ACCSL: variants seen among roughly 807,000 people sequenced by gnomAD.
The protein encoded by ACCSL is probable inactive 1-aminocyclopropane-1-carboxylate synthase-like protein 2.
ACCSL carries 55 observed loss-of-function variants against 61.7 expected under a neutral mutation model. The observed-to-expected ratio is 0.89, with a 90% CI of 0.72 to 1.12. The LOEUF is 1.12. ACCSL is among the 50% of genes most tolerant of loss of function. ACCSL has a pLI of 0.00. For synonymous variants in ACCSL, 258 were observed against 264.3 expected, an observed-to-expected ratio of 0.98 and a Z score of 0.23; for missense variants, 632 against 698.0, an observed-to-expected ratio of 0.91 and a Z score of 1.07.
chr11:44,033,392 A>G, the ACCSL span, among the ~76,000 whole-genome samples: 3 of 152,130 alleles, frequency 2.0e-5, no homozygotes, highest in East Asian at 3.9e-4. Flanking sequence ...AAGAGAAAGG[A>G]ACTTCTTAGG....
At chr11:43,979,465 G>A in the ACCSL span, among the ~76,000 whole-genome samples, 7 of 152,326 alleles carry the variant, frequency 4.6e-5, no homozygotes, top group East Asian at 1.2e-3. Context: ...TTTACTACAA[G>A]GAAAAGAAGC....
the ACCSL span, among the ~76,000 whole-genome samples, chr11:44,030,898 G>A: frequency 6.6e-6 from 1 of 152,148 alleles, no homozygotes; most frequent in East Asian, 1.9e-4. Context: ...ATGCTCTTAG[G>A]AGGAAGAGAC....
the ACCSL span, chr11:43,943,497 T>A: frequency 2.9e-6 from 4 of 1,373,010 alleles, no homozygotes; most frequent in African/African-American, 1.5e-5. The surrounding 1 kb of genome is among the most constrained non-coding windows in gnomAD (Gnocchi z 4.8). Context: ...TTCCTCGTCC[T>A]TGTAAATGTT....
chr11:44,028,597 CA>C, the ACCSL span, among the ~76,000 whole-genome samples: 4 of 152,204 alleles, frequency 2.6e-5, no homozygotes, highest in African/African-American at 9.6e-5. Flanking sequence ...ATCCCTGCGT[CA>C]CCTTCATTGA....
chr11:44,035,567 CCT>C, the ACCSL span, among the ~76,000 whole-genome samples: 1 of 152,070 alleles, frequency 6.6e-6, no homozygotes, highest in East Asian at 1.9e-4. Flanking sequence ...AGCATTAGTT[CCT>C]CTCTTCAAGA....
At chr11:44,056,413 C>G in intron 11 of ACCSL, 87 bp downstream of exon 11, 1 of 1,460,312 alleles carries the variant, frequency 6.8e-7, no homozygotes, top group Non-Finnish European at 9.2e-7. Flanking sequence ...CTGATGTGCC[C>G]TTAATATACT....
At chr11:43,936,182 C>A in the ACCSL span, among the ~76,000 whole-genome samples, 1 of 152,208 alleles carries the variant, frequency 6.6e-6, no homozygotes, top group Non-Finnish European at 1.5e-5. Context: ...ACCTGGTTCA[C>A]TTCTGCTGTG....
chr11:43,943,382 G>A, the ACCSL span: 1 of 1,400,632 alleles, frequency 7.1e-7, no homozygotes, highest in Non-Finnish European at 9.2e-7. This position sits in a 1 kb window ranked among gnomAD's most constrained non-coding sequence, Gnocchi z 4.8. Context: ...CAAGGACCCG[G>A]GACCGCCGCT....
chr11:43,956,737 G>C, the ACCSL span, among the ~76,000 whole-genome samples: 2 of 152,106 alleles, frequency 1.3e-5, no homozygotes, highest in Non-Finnish European at 2.9e-5. Flanking sequence ...TTGTAAAGGT[G>C]GTTTCACAAC....
In ACCSL at chr11:44,053,560, A is replaced by C. The variant is rs899620461; in HGVS notation, c.1049+54A>C. 2.6e-6 allele frequency: 4 copies of C among 1,517,362 alleles called. No individual in the cohort carries two copies. In the African/African-American group the frequency reaches 5.5e-5, roughly 21 times the overall value. 94.0% of individuals were successfully genotyped at this position (1,517,362 alleles called of 1,614,324 possible). A position where few individuals can be genotyped will look rare whatever the true frequency, so the allele number is the denominator to read the frequency against. The stretch of plus-strand genomic sequence containing the variant: ...AATGTTTCTTGAAAGGATTCCCATC[A>C]CTTATAGTCAAGTAATCAAGAGCCA... On this transcript the variant is annotated intron_variant, in intron 8 of 13. Transcript: ENST00000378832.
At chr11:44,049,147 T>C (rs1306484400) in intron 1 of ACCSL, among the ~76,000 whole-genome samples, 1 of 151,980 alleles carries the variant, frequency 6.6e-6, no homozygotes, top group South Asian at 2.1e-4. Flanking sequence ...AGGCTGGGCG[T>C]GGTGGCTCAT....
the ACCSL span, among the ~76,000 whole-genome samples, chr11:43,988,330 A>G: frequency 6.6e-6 from 1 of 152,160 alleles, no homozygotes; most frequent in Non-Finnish European, 1.5e-5. Context: ...GGTGAGTAAC[A>G]AATAACTCTT....
chr11:44,057,220 G>A (rs1241459898), intron 11 of ACCSL, among the ~76,000 whole-genome samples: 4 of 152,328 alleles, frequency 2.6e-5, no homozygotes, highest in South Asian at 2.1e-4. Flanking sequence ...CCCAAGCTTA[G>A]AGACTCACTT....
intron 1 of ACCSL, 85 bp from the exon 2 acceptor site, chr11:44,049,977 A>G: frequency 6.4e-7 from 1 of 1,567,644 alleles, no homozygotes; most frequent in African/African-American, 1.3e-5. Context: ...AGGCAGTGAG[A>G]TCTCCATTTG....
the ACCSL span, among the ~76,000 whole-genome samples, chr11:43,965,624 T>C: frequency 6.6e-6 from 1 of 152,198 alleles, no homozygotes; most frequent in African/African-American, 2.4e-5. Flanking sequence ...CTATAATTCA[T>C]GTAGAATTGC....
the ACCSL span, among the ~76,000 whole-genome samples, chr11:44,003,554 A>G: frequency 6.6e-6 from 1 of 151,924 alleles, no homozygotes; most frequent in Non-Finnish European, 1.5e-5. Context: ...GAGGCAGGTG[A>G]ATCGCTTGAA....
the ACCSL span, among the ~76,000 whole-genome samples, chr11:44,005,036 A>G: frequency 6.6e-6 from 1 of 151,342 alleles, no homozygotes; most frequent in East Asian, 1.9e-4. Context: ...TTGTCTTCAG[A>G]ACACCCAGCC....
At chr11:44,009,822 G>A in the ACCSL span, among the ~76,000 whole-genome samples, 1 of 152,056 alleles carries the variant, frequency 6.6e-6, no homozygotes, top group Non-Finnish European at 1.5e-5. Flanking sequence ...GTGCATCTTG[G>A]AATCAAAGGA....
the ACCSL span, among the ~76,000 whole-genome samples, chr11:43,968,412 T>G: frequency 2.0e-5 from 3 of 152,006 alleles, no homozygotes. Context: ...CTTCATGGCT[T>G]TTGTGTGAAA....
Sources: gnomAD v4.1 joint callset for allele counts (sites outside exome capture counted in the v4.1 genomes callset) on GRCh38, gnomAD v4.1.1 for gene constraint, Gnocchi (gnomAD v3.1) non-coding constraint, MANE v1.5 for transcripts, NCBI Gene and HGNC (gene_info 2026-07-23, HGNC 2026-07-21) for gene names.